The following GNA13 variants were observed in gnomAD, a reference collection of about 807,000 sequenced individuals.
The protein encoded by GNA13 is guanine nucleotide-binding protein subunit alpha-13.
In GNA13, 4 loss-of-function variants were observed where a neutral mutation model predicts 33.5. That is an observed-to-expected ratio of 0.12 (90% CI 0.06 to 0.27). The LOEUF is 0.27. GNA13 is among the 10% of genes least tolerant of loss of function. The probability of loss-of-function intolerance (pLI) is 1.00; values close to 1 mark genes in which losing one functional copy is unlikely to be tolerated. For synonymous variants in GNA13, 176 were observed against 183.8 expected (o/e 0.96, Z 0.34); for missense variants, 319 against 487.2 (o/e 0.65, Z 3.25).
intron 2 of GNA13, among the ~76,000 whole-genome samples, chr17:65,049,212 C>T (rs764859929): frequency 2.2e-4 from 34 of 152,120 alleles, no homozygotes; most frequent in Admixed American, 3.9e-4. Flanking sequence ...TGAGTTCAAG[C>T]GATTCTCGTG....
chr17:65,012,673 A>G lies in GNA13; in HGVS notation c.*1584T>C, dbSNP rs892462067. 3 of 230,098 alleles carry G rather than the reference A, an allele frequency of 1.3e-5. No homozygotes were observed. The highest frequency in any genetic ancestry group is 2.6e-5 in the Non-Finnish European group (3 of 116,174). 14.3% of individuals were successfully genotyped at this position (230,098 alleles called of 1,614,324 possible). A position where few individuals can be genotyped will look rare whatever the true frequency, so the allele number is the denominator to read the frequency against. ...CCACTCTCGTATCAGACAGCAAGAC[A>G]GAACAACAGCCACTGACTTGGAAAG... On this transcript the variant is annotated 3_prime_UTR_variant, in exon 4 of 4. Transcript: ENST00000439174.
chr17:65,038,836 G>C (rs1025374058), intron 2 of GNA13, among the ~76,000 whole-genome samples: 3 of 152,128 alleles, frequency 2.0e-5, no homozygotes, highest in African/African-American at 7.2e-5. Context: ...AAATCATCTA[G>C]CACAAAGCTT....
Position 65,011,550 on chromosome 17 carries a change from T to C in GNA13, c.*2707A>G, listed in dbSNP as rs1906189895. The C allele has an allele frequency of 4.8e-6, 1 of 206,278 alleles. No individual in the cohort carries two copies. Among genetic ancestry groups the C allele is most frequent in the Non-Finnish European group, 9.9e-6 (1 of 100,896 alleles). 12.8% of individuals were successfully genotyped at this position (206,278 alleles called of 1,614,324 possible). A position where few individuals can be genotyped will look rare whatever the true frequency, so the allele number is the denominator to read the frequency against. ...AACCCTTTCTCTATAAAAGTTATGG[T>C]CTAAATTTATGTTGTTTTATAAGGC... On this transcript the variant is annotated 3_prime_UTR_variant, in exon 4 of 4. Coordinates refer to ENST00000439174, the MANE Select transcript of GNA13 (RefSeq NM_006572.6).
chr17:65,011,311 C>T lies in GNA13; in HGVS notation c.*2946G>A, dbSNP rs1310967454. On this transcript the variant is annotated 3_prime_UTR_variant, in exon 4 of 4. Coordinates refer to ENST00000439174, the MANE Select transcript of GNA13 (RefSeq NM_006572.6). ...TCTATGCAAATTACATGCCAATACA[C>T]CTTAAAAGAAAATAAGACAAAAGTG... is the stretch of plus-strand genomic sequence containing the variant. The T allele has an allele frequency of 5.0e-6, 1 of 198,118 alleles. No individual in the cohort carries two copies. Among genetic ancestry groups the T allele is most frequent in the South Asian group, 1.9e-4 (1 of 5,200 alleles). The allele number at this position is 198,118 out of a possible 1,614,324, so 12.3% of individuals were successfully genotyped here.
At chr17:65,047,110 A>C (rs925018711) in intron 2 of GNA13, among the ~76,000 whole-genome samples, 1 of 152,244 alleles carries the variant, frequency 6.6e-6, no homozygotes, top group Non-Finnish European at 1.5e-5. Flanking sequence ...AAAAGAAAAA[A>C]ACTTCATTTT....
chr17:65,046,424 G>A (rs1261762768), intron 2 of GNA13, among the ~76,000 whole-genome samples: 2 of 152,078 alleles, frequency 1.3e-5, no homozygotes, highest in Admixed American at 1.3e-4. Context: ...CCAAGTAGGT[G>A]GGACTACAGG....
At chr17:65,026,087 C>T in intron 2 of GNA13, among the ~76,000 whole-genome samples, 1 of 151,800 alleles carries the variant, frequency 6.6e-6, no homozygotes, top group South Asian at 2.1e-4. Flanking sequence ...GCCTACTCTG[C>T]CAAACATTAC....
chr17:65,024,742 C>T (rs1316495480), intron 2 of GNA13, among the ~76,000 whole-genome samples: 1 of 152,226 alleles, frequency 6.6e-6, no homozygotes, highest in Non-Finnish European at 1.5e-5. Context: ...CGCATTACTT[C>T]AAATCTGGAT....
intron 1 of GNA13, 56 bp downstream of exon 1, chr17:65,056,255 G>GCCCCC: frequency 3.9e-6 from 2 of 508,076 alleles, no homozygotes; most frequent in Non-Finnish European, 6.9e-6. Flanking sequence ...CCCCGCACCC[G>GCCCCC]CCGCCGCCCC....
intron 3 of GNA13, among the ~76,000 whole-genome samples, chr17:65,016,067 A>G (rs762412356): frequency 6.6e-6 from 1 of 152,212 alleles, no homozygotes; most frequent in African/African-American, 2.4e-5. Context: ...TGCTGGTCAC[A>G]CAAGTCTCTG....
At chr17:65,046,608 G>A (rs1250128573) in intron 2 of GNA13, among the ~76,000 whole-genome samples, 3 of 152,172 alleles carry the variant, frequency 2.0e-5, no homozygotes, top group Non-Finnish European at 4.4e-5. Context: ...ACCCCAACTT[G>A]GTTGGCTGCG....
At chr17:65,056,249 G>GCCCCCCCCCCCCCCCCCCCCCCCC in intron 1 of GNA13, 62 bp downstream of exon 1, 7 of 774,828 alleles carry the variant, frequency 9.0e-6, no homozygotes, top group East Asian at 8.4e-5. Flanking sequence ...GCCCCGCCCC[G>GCCCCCCCCCCCCCCCCCCCCCCCC]CACCCGCCGC....
Position 65,056,528 on chromosome 17 carries a change from A to G in GNA13, c.66T>C (p.Ser22=), listed in dbSNP as rs1393339156. Residue 22 remains serine, a synonymous_variant, in exon 1 of 4, where the codon AGT becomes AGC. Transcript: ENST00000439174. ...SVCFPGCLLT[S]GEAEQQRKSK... ...ACTTGCGTTGCTGCTCGGCCTCGCC[A>G]CTCGTCAGCAGGCAGCCGGGGAAGC... 1.9e-6 allele frequency: 3 copies of G among 1,612,336 alleles called. No individual in the cohort carries two copies. The highest frequency in any genetic ancestry group is 2.5e-6 in the Non-Finnish European group (3 of 1,179,676).
chr17:65,037,538 C>T (rs1264962142), intron 2 of GNA13, among the ~76,000 whole-genome samples: 2 of 152,134 alleles, frequency 1.3e-5, no homozygotes, highest in Non-Finnish European at 2.9e-5. Flanking sequence ...TTCCTGGCTT[C>T]CATGACGTGA....
At position 65,018,197 on chromosome 17, in the gene GNA13, T is replaced by A. The variant is rs1181221012; in HGVS notation, c.561+56A>T. On this transcript the variant is annotated intron_variant, in intron 3 of 3. Transcript: ENST00000439174. ...TTTTCTAAATTTCCTAACATCGATA[T>A]CCTGACTTCTGCTTTCAAATGGCAC... 4.9e-6 allele frequency: 4 copies of A among 814,436 alleles called. No homozygotes were observed. In the African/African-American group the frequency reaches 7.1e-5, roughly 14 times the overall value. 50.5% of individuals were successfully genotyped at this position (814,436 alleles called of 1,614,324 possible).
chr17:65,011,922 TA>T lies in GNA13; in HGVS notation c.*2334del, dbSNP rs920500012. 6.7e-5 allele frequency: 15 copies of T among 225,130 alleles called. No homozygotes were observed. In the East Asian group the frequency reaches 7.1e-4, roughly 11 times the overall value. The allele number at this position is 225,130 out of a possible 1,614,324, so 13.9% of individuals were successfully genotyped here. ...TCAAACGTTTTTAAAATACAACGTATAAAAAAATGTGGACTGAAGCCTTTAG... is the reference window on the plus strand; with the variant it reads ...TCAAACGTTTTTAAAATACAACGTATAAAAAATGTGGACTGAAGCCTTTAG... On this transcript the variant is annotated 3_prime_UTR_variant, in exon 4 of 4. Transcript: ENST00000439174.
intron 2 of GNA13, among the ~76,000 whole-genome samples, chr17:65,028,649 C>T (rs1322038523): frequency 1.3e-5 from 2 of 152,128 alleles, no homozygotes; most frequent in Non-Finnish European, 2.9e-5. Context: ...GACTGCAGAT[C>T]ACTTGTCTTG....
chr17:65,054,471 GT>G (rs1465896276), intron 1 of GNA13, among the ~76,000 whole-genome samples: 1 of 152,100 alleles, frequency 6.6e-6, no homozygotes, highest in South Asian at 2.1e-4. Context: ...AACGGGTGGG[GT>G]TTTTTTGTTT....
Position 65,018,135 on chromosome 17 carries a change from A to G in GNA13, c.561+118T>C, listed in dbSNP as rs1479107312. On this transcript the variant is annotated intron_variant, in intron 3 of 3. Transcript: ENST00000439174. ...AAAAAAAAAAAAAAAAAAAAAAAAA[A>G]AAAAGAGAGAAAGAAGCAAATAGCT... is the stretch of plus-strand genomic sequence containing the variant. 1.4e-4 allele frequency: 37 copies of G among 256,148 alleles called. 1 individual carries two copies. Among genetic ancestry groups the G allele is most frequent in the East Asian group, 2.9e-4 (2 of 6,880 alleles). The allele number at this position is 256,148 out of a possible 1,614,324, so 15.9% of individuals were successfully genotyped here.
Sources: allele counts gnomAD v4.1 joint callset (sites outside exome capture counted in the v4.1 genomes callset), GRCh38; gene constraint gnomAD v4.1.1; transcripts MANE v1.5; gene names NCBI Gene and HGNC (gene_info 2026-07-23, HGNC 2026-07-21).